ALK: variants seen among roughly 807,000 people sequenced by gnomAD.
The protein encoded by ALK is ALK tyrosine kinase receptor.
In ALK, 74 loss-of-function variants were observed where a neutral mutation model predicts 163.1. The ratio of observed to expected loss-of-function variants is 0.45; its 90% CI spans 0.38 to 0.55. The LOEUF is 0.55. Ranked by LOEUF, ALK falls within the 20% of genes least tolerant of loss-of-function variation. The pLI is 0.00. For synonymous variants in ALK, 960 were observed against 843.2 expected, an observed-to-expected ratio of 1.14 and a Z score of -2.40; for missense variants, 2,063 against 2,105.3, an observed-to-expected ratio of 0.98 and a Z score of 0.39.
intron 3 of ALK, among the ~76,000 whole-genome samples, chr2:29,643,255 C>G (rs1312554720): frequency 6.6e-6 from 1 of 151,720 alleles, no homozygotes; most frequent in Non-Finnish European, 1.5e-5. Context: ...TACTGGGAAG[C>G]AAGATACATC....
At chr2:29,557,920 C>A (rs974833091) in intron 3 of ALK, among the ~76,000 whole-genome samples, 3 of 152,066 alleles carry the variant, frequency 2.0e-5, no homozygotes, top group African/African-American at 7.2e-5. Context: ...CTTTCGAAGC[C>A]CTGGCAAAGG....
chr2:29,359,261 C>T (rs766003204), intron 5 of ALK, among the ~76,000 whole-genome samples: 28 of 152,336 alleles, frequency 1.8e-4, no homozygotes, highest in Non-Finnish European at 3.2e-4. Flanking sequence ...GTTTGCATTG[C>T]GGCCAATGCC....
At chr2:29,800,343 G>T (rs887522367) in intron 1 of ALK, among the ~76,000 whole-genome samples, 4 of 152,218 alleles carry the variant, frequency 2.6e-5, no homozygotes, top group Admixed American at 6.5e-5. Context: ...ATCCTTGCAT[G>T]TTTCTTCATC....
chr2:29,347,331 T>C (rs1558686504), intron 5 of ALK, among the ~76,000 whole-genome samples: 2 of 152,192 alleles, frequency 1.3e-5, no homozygotes, highest in Non-Finnish European at 2.9e-5. Context: ...AATCTGGTTT[T>C]CCAGGTGGGC....
At chr2:29,398,300 T>C (rs1270218208) in intron 4 of ALK, among the ~76,000 whole-genome samples, 1 of 152,210 alleles carries the variant, frequency 6.6e-6, no homozygotes, top group African/African-American at 2.4e-5. Context: ...AGCTGTAATT[T>C]TCTGGAAAGG....
chr2:29,805,005 C>T (rs1237299624), intron 1 of ALK, among the ~76,000 whole-genome samples: 1 of 152,146 alleles, frequency 6.6e-6, no homozygotes, highest in Non-Finnish European at 1.5e-5. Context: ...TGTCTGGTTT[C>T]TGTTTGGAAG....
rs551830453 is a variant in ALK at position 29,251,325 on chromosome 2, G to A, written c.2042-58C>T. On this transcript the variant is annotated intron_variant, in intron 11 of 28. Coordinates refer to ENST00000389048, the MANE Select transcript of ALK (RefSeq NM_004304.5). ...TGGCCAGGCCCTCCCTCCTCCAGGG[G>A]CCTCCCTGGGTGGCCTCTGAGATAT... 45 of 1,552,194 alleles carry A rather than the reference G, an allele frequency of 2.9e-5. No individual in the cohort carries two copies. In the East Asian group the frequency reaches 6.8e-4, roughly 23 times the overall value.
chr2:29,666,840 C>G (rs189180697), intron 3 of ALK, among the ~76,000 whole-genome samples: 1 of 151,960 alleles, frequency 6.6e-6, no homozygotes, highest in Non-Finnish European at 1.5e-5. Context: ...CCTTCACCCC[C>G]CTTCTCCTAC....
At chr2:29,755,370 G>A (rs1001412142) in intron 1 of ALK, among the ~76,000 whole-genome samples, 1 of 152,222 alleles carries the variant, frequency 6.6e-6, no homozygotes, top group African/African-American at 2.4e-5. Flanking sequence ...GCTCTGGGCT[G>A]AGGAAAATCC....
intron 2 of ALK, among the ~76,000 whole-genome samples, chr2:29,712,217 G>C (rs986651404): frequency 6.6e-6 from 1 of 152,216 alleles, no homozygotes; most frequent in African/African-American, 2.4e-5. Flanking sequence ...GTGACTGCCA[G>C]CATTACTGTC....
At chr2:29,429,322 T>C (rs1333113348) in intron 4 of ALK, among the ~76,000 whole-genome samples, 2 of 152,012 alleles carry the variant, frequency 1.3e-5, no homozygotes, top group Non-Finnish European at 2.9e-5. Flanking sequence ...TAACTATCTC[T>C]ATTTGCAAAT....
rs111406761 is a variant in ALK, at chr2:29,417,832, C to T, written c.1155-33973G>A. Reference sequence around the variant, plus strand: ...CTTGCATCTGCTAAGTATAATATGACTGTCCCAAGTACTGTATTGTAGCAT... The same window carrying T: ...CTTGCATCTGCTAAGTATAATATGATTGTCCCAAGTACTGTATTGTAGCAT... On this transcript the variant is annotated intron_variant, in intron 4 of 28. Transcript: ENST00000389048. 3.3e-3 allele frequency among the ~76,000 whole-genome samples: 500 copies of T among 152,330 alleles called. 3 individuals are homozygous for T. Among genetic ancestry groups the T allele is most frequent in the African/African-American group, 0.011 (441 of 41,578 alleles).
chr2:29,347,186 G>A (rs1444518526), intron 5 of ALK, among the ~76,000 whole-genome samples: 1 of 151,298 alleles, frequency 6.6e-6, no homozygotes, highest in East Asian at 1.9e-4. Context: ...AGGTAGAGAG[G>A]AACTAGAACC....
intron 1 of ALK, among the ~76,000 whole-genome samples, chr2:29,753,506 G>A (rs900852353): frequency 6.6e-6 from 1 of 151,954 alleles, no homozygotes; most frequent in Non-Finnish European, 1.5e-5. Context: ...CATTCCTATC[G>A]GCCAGAAAAA....
chr2:29,297,951 T>A (rs554460778), intron 8 of ALK, among the ~76,000 whole-genome samples: 6 of 152,230 alleles, frequency 3.9e-5, no homozygotes, highest in Non-Finnish European at 7.3e-5. Flanking sequence ...TGTCTTATGG[T>A]AAACTGGCAG....
At chr2:29,560,173 G>A (rs534248297) in intron 3 of ALK, among the ~76,000 whole-genome samples, 5 of 152,126 alleles carry the variant, frequency 3.3e-5, no homozygotes, top group South Asian at 2.1e-4. Context: ...TTATCAGTAC[G>A]TAATAGCCAA....
chr2:29,864,454 C>A (rs184426009), intron 1 of ALK, among the ~76,000 whole-genome samples: 53 of 152,328 alleles, frequency 3.5e-4, no homozygotes, highest in Non-Finnish European at 6.5e-4. Context: ...CCACAACATA[C>A]AATTTTTGCT....
intron 1 of ALK, among the ~76,000 whole-genome samples, chr2:29,790,636 T>A (rs1258610201): frequency 1.3e-5 from 2 of 152,192 alleles, no homozygotes; most frequent in African/African-American, 4.8e-5. Flanking sequence ...CAGGCTGGAA[T>A]GCAATGGCAC....
At chr2:29,285,244 C>T (rs1665822120) in intron 9 of ALK, among the ~76,000 whole-genome samples, 1 of 135,480 alleles carries the variant, frequency 7.4e-6, no homozygotes, top group Non-Finnish European at 1.6e-5. Flanking sequence ...TCTCCGTGCT[C>T]AGTGGCTTTC....
Sources: gnomAD v4.1 joint callset for allele counts (sites outside exome capture counted in the v4.1 genomes callset) on GRCh38, gnomAD v4.1.1 for gene constraint, MANE v1.5 for transcripts, NCBI Gene and HGNC (gene_info 2026-07-23, HGNC 2026-07-21) for gene names.